The following ZNF521 variants were observed in gnomAD, a reference collection of about 807,000 sequenced individuals.
The protein encoded by ZNF521 is zinc finger protein 521.
A neutral mutation model predicts 105.5 loss-of-function variants in ZNF521; 14 were observed. That is an observed-to-expected ratio of 0.13 (90% confidence interval 0.09 to 0.21). ZNF521 has a LOEUF of 0.21. Among genes scored for constraint, ZNF521 ranks in the 10% least tolerant of loss-of-function variants. The pLI is 1.00. For synonymous variants in ZNF521, 635 were observed against 606.0 expected (o/e 1.05, Z -0.70); for missense variants, 1,233 against 1,629.7 (o/e 0.76, Z 4.19).
chr18:25,264,022 T>C (rs1417921783), intron 3 of ZNF521, among the ~76,000 whole-genome samples: 1 of 152,210 alleles, frequency 6.6e-6, no homozygotes, highest in Non-Finnish European at 1.5e-5. Context: ...CAAAATCTTT[T>C]TATATCCAAA....
At chr18:25,111,255 G>T (rs2034184558) in intron 5 of ZNF521, among the ~76,000 whole-genome samples, 1 of 152,140 alleles carries the variant, frequency 6.6e-6, no homozygotes, top group Admixed American at 6.6e-5. Context: ...GAGATTAAAA[G>T]AATGGTCTGA....
intron 3 of ZNF521, among the ~76,000 whole-genome samples, chr18:25,287,506 A>G (rs1910775756): frequency 6.6e-6 from 1 of 152,172 alleles, no homozygotes; most frequent in Non-Finnish European, 1.5e-5. Flanking sequence ...TCCCGGTGTG[A>G]CAAATCAAGA....
intron 5 of ZNF521, among the ~76,000 whole-genome samples, chr18:25,192,906 G>C (rs1425629370): frequency 6.6e-6 from 1 of 151,958 alleles, no homozygotes; most frequent in East Asian, 1.9e-4. Flanking sequence ...TTGGATGCAT[G>C]GTCAACAAAT....
At chr18:25,223,021 C>T (rs1015176843) in intron 4 of ZNF521, among the ~76,000 whole-genome samples, 10 of 152,182 alleles carry the variant, frequency 6.6e-5, no homozygotes, top group Non-Finnish European at 1.2e-4. Context: ...CATACGTGTT[C>T]GCTGTGTTGG....
intron 3 of ZNF521, among the ~76,000 whole-genome samples, chr18:25,272,114 C>G (rs1009697605): frequency 6.6e-6 from 1 of 152,176 alleles, no homozygotes; most frequent in African/African-American, 2.4e-5. Context: ...TGAACAGACA[C>G]TTCTCAAAAG....
Position 25,194,096 on chromosome 18 carries a change from T to C in ZNF521, c.3658+1064A>G, listed in dbSNP as rs2035863336. 2.0e-5 allele frequency among the ~76,000 whole-genome samples: 3 copies of C among 151,834 alleles called. No homozygotes were observed. The South Asian group carries it at 6.2e-4, about 31-fold the overall frequency. ...AACCTTCCACTAAGCATTCTTAGAA[T>C]ATTTCTAATTAGTATACAATCAAAC... On this transcript the variant is annotated intron_variant, in intron 5 of 7. Transcript: ENST00000361524.
chr18:25,220,434 C>T (rs1202639384), intron 4 of ZNF521, among the ~76,000 whole-genome samples: 1 of 152,068 alleles, frequency 6.6e-6, no homozygotes, highest in Non-Finnish European at 1.5e-5. Flanking sequence ...TCAACTGCAG[C>T]TAGAGGAAAG....
At chr18:25,285,018 TTG>T (rs1910615094) in intron 3 of ZNF521, among the ~76,000 whole-genome samples, 1 of 151,948 alleles carries the variant, frequency 6.6e-6, no homozygotes, top group Non-Finnish European at 1.5e-5. Context: ...TACCCTGACT[TTG>T]TCTTTAAGGA....
chr18:25,268,047 C>T (rs928706207), intron 3 of ZNF521, among the ~76,000 whole-genome samples: 3 of 152,082 alleles, frequency 2.0e-5, no homozygotes, highest in Admixed American at 6.6e-5. Flanking sequence ...AAAAGTTAGA[C>T]GAATTGCTAA....
At chr18:25,142,620 T>C (rs997758036) in intron 5 of ZNF521, among the ~76,000 whole-genome samples, 5 of 152,120 alleles carry the variant, frequency 3.3e-5, no homozygotes, top group African/African-American at 1.2e-4. Context: ...ATCTAAGCAA[T>C]GGAACCTTGA....
At chr18:25,197,050 A>T (rs1568004819) in intron 4 of ZNF521, among the ~76,000 whole-genome samples, 1 of 151,814 alleles carries the variant, frequency 6.6e-6, no homozygotes, top group Non-Finnish European at 1.5e-5. Flanking sequence ...AAAGAATAAA[A>T]TCACTTGAAA....
chr18:25,141,928 C>T (rs554952427), intron 5 of ZNF521, among the ~76,000 whole-genome samples: 2 of 152,172 alleles, frequency 1.3e-5, no homozygotes, highest in South Asian at 2.1e-4. Flanking sequence ...TGCTCATTTG[C>T]GCCTGTCTGG....
chr18:25,099,494 C>T (rs2033922265), intron 5 of ZNF521, among the ~76,000 whole-genome samples: 1 of 152,084 alleles, frequency 6.6e-6, no homozygotes, highest in African/African-American at 2.4e-5. Flanking sequence ...AAAACTTATC[C>T]CTTATTTCCA....
intron 2 of ZNF521, chr18:25,327,519 G>A (rs2145163472): frequency 1.3e-6 from 1 of 788,356 alleles, no homozygotes; most frequent in African/African-American, 1.8e-5. Flanking sequence ...CTACAAGTAT[G>A]TTCAAATCCT....
chr18:25,277,780 T>C (rs778639797), intron 3 of ZNF521, among the ~76,000 whole-genome samples: 6 of 152,324 alleles, frequency 3.9e-5, no homozygotes, highest in African/African-American at 7.2e-5. Flanking sequence ...ACAGTTATCA[T>C]TGATGGCACA....
chr18:25,083,187 A>G (rs1254331899), intron 7 of ZNF521, among the ~76,000 whole-genome samples: 1 of 152,198 alleles, frequency 6.6e-6, no homozygotes, highest in Non-Finnish European at 1.5e-5. Flanking sequence ...GCAAGTATAC[A>G]TGTTTAGTTT....
At chr18:25,253,656 C>CTGA (rs1314540422) in intron 3 of ZNF521, among the ~76,000 whole-genome samples, 2 of 152,014 alleles carry the variant, frequency 1.3e-5, no homozygotes. Context: ...AATGTATTTG[C>CTGA]TGATATACAA....
chr18:25,350,160 C>T (rs938719844), intron 2 of ZNF521, among the ~76,000 whole-genome samples: 2 of 152,170 alleles, frequency 1.3e-5, no homozygotes, highest in Admixed American at 6.5e-5. Flanking sequence ...AAATCCCGCA[C>T]GCACGCCCCG....
At chr18:25,103,311 T>TA (rs899135866) in intron 5 of ZNF521, among the ~76,000 whole-genome samples, 11 of 152,248 alleles carry the variant, frequency 7.2e-5, no homozygotes, top group African/African-American at 2.4e-4. Context: ...CTTAAACTGT[T>TA]ACCCAAAACC....
Sources: gnomAD v4.1 joint callset for allele counts (sites outside exome capture counted in the v4.1 genomes callset) on GRCh38, gnomAD v4.1.1 for gene constraint, MANE v1.5 for transcripts, NCBI Gene and HGNC (gene_info 2026-07-23, HGNC 2026-07-21) for gene names.